Variants in CLN8 observed in about 807,000 individuals in gnomAD.
CLN8 encodes the protein protein CLN8.
A neutral mutation model predicts 15.7 loss-of-function variants in CLN8; 14 were observed. The ratio of observed to expected loss-of-function variants is 0.89; its 90% confidence interval spans 0.59 to 1.39. The LOEUF is 1.39. Ranked by LOEUF, CLN8 falls within the 40% of genes most tolerant of loss-of-function variation. The pLI is 0.00. For synonymous variants in CLN8, 188 were observed against 151.0 expected (o/e 1.25, Z -1.80); for missense variants, 415 against 364.0 (o/e 1.14, Z -1.14).
At chr8:1,780,119 G>T in intron 2 of CLN8, 131 bp from the exon 3 acceptor site, 1 of 1,537,910 alleles carries the variant, frequency 6.5e-7, no homozygotes, top group Non-Finnish European at 8.7e-7. Flanking sequence ...GAGCCCTGGG[G>T]AGGAAATTCT....
intron 1 of CLN8, chr8:1,758,589 T>C (rs1223354838): frequency 2.0e-5 from 3 of 152,212 alleles, no homozygotes; most frequent in African/African-American, 7.2e-5. Flanking sequence ...AATTCGGCTT[T>C]GTCATTTAGC....
intron 2 of CLN8, among the ~76,000 whole-genome samples, chr8:1,772,020 C>G (rs960384279): frequency 1.3e-5 from 2 of 152,154 alleles, no homozygotes; most frequent in South Asian, 4.1e-4. Context: ...ACTGCAACCT[C>G]CGCCTCCTGG....
chr8:1,771,417 C>T lies in CLN8; in HGVS notation c.363C>T (p.Val121=). 6.2e-7 allele frequency: 1 copy of T among 1,614,186 alleles called. No homozygotes were observed. Among genetic ancestry groups the T allele is most frequent in the Non-Finnish European group, 8.5e-7 (1 of 1,180,036 alleles). ...TGFFCFENVA[V]HLSNLIFRTF... ...TCTTTTGCTTTGAAAATGTTGCAGT[C>T]CACCTGTCCAACTTGATCTTCCGGA... The change falls in exon 2 of 3, where the codon GTC becomes GTT. Residue 121 remains valine, a synonymous_variant. Transcript: ENST00000331222.
At position 1,783,913 on chromosome 8, in the gene CLN8, G is replaced by T. The variant is rs1484349370; in HGVS notation, c.*3346G>T. The T allele has an allele frequency of 6.6e-6, 1 of 152,208 alleles. No individual in the cohort carries two copies. Among genetic ancestry groups the T allele is most frequent in the Non-Finnish European group, 1.5e-5 (1 of 68,056 alleles). 9.4% of individuals were successfully genotyped at this position (152,208 alleles called of 1,614,324 possible). A position where few individuals can be genotyped will look rare whatever the true frequency, so the allele number is the denominator to read the frequency against. On this transcript the variant is annotated 3_prime_UTR_variant, in exon 3 of 3. Transcript: ENST00000331222. Reference sequence around the variant, plus strand: ...GCGCCAGAGCTGGGCTCTTCAACACGGCATTTAGCGCAGAAAGTCGTGGTT... The same window carrying T: ...GCGCCAGAGCTGGGCTCTTCAACACTGCATTTAGCGCAGAAAGTCGTGGTT...
upstream of CLN8, chr8:1,763,117 T>C (rs1176194726): frequency 1.3e-5 from 2 of 152,042 alleles, no homozygotes; most frequent in Non-Finnish European, 2.9e-5. Context: ...GGTCCGGGGC[T>C]TGGGCCCTGT....
At position 1,772,225 on chromosome 8, in the gene CLN8, C is replaced by T. The variant is rs535710519; in HGVS notation, c.543+628C>T. 5.9e-5 allele frequency among the ~76,000 whole-genome samples: 9 copies of T among 152,202 alleles called. No homozygotes were observed. In the South Asian group the frequency reaches 1.5e-3, roughly 25 times the overall value. ...TGCTGGAATTACAAATGTGAGCCAC[C>T]GTGCCTGGCCTCTTTTAATACTTTA... is the stretch of plus-strand genomic sequence containing the variant. On this transcript the variant is annotated intron_variant, in intron 2 of 2. Transcript: ENST00000331222.
At position 1,781,655 on chromosome 8, in the gene CLN8, C is replaced by T. The variant is rs886506671; in HGVS notation, c.*1088C>T. On this transcript the variant is annotated 3_prime_UTR_variant, in exon 3 of 3. Coordinates refer to ENST00000331222, the MANE Select transcript of CLN8 (RefSeq NM_018941.4). ...TAATCAGGTTGTCTGGGTTTCAGAG[C>T]TGTTTTTAATTGACTGAGTTACCTA... is the stretch of plus-strand genomic sequence containing the variant. The T allele has an allele frequency of 1.3e-5, 2 of 151,976 alleles. No homozygotes were observed. The highest frequency in any genetic ancestry group is 2.4e-5 in the African/African-American group (1 of 41,360). 9.4% of individuals were successfully genotyped at this position (151,976 alleles called of 1,614,324 possible).
At chr8:1,762,372 G>C (rs547414560), upstream of CLN8, 1 of 152,038 alleles carries the variant, frequency 6.6e-6, no homozygotes, top group South Asian at 2.1e-4. Context: ...CAAACTGCTG[G>C]GATTACAGGC....
At chr8:1,776,436 CT>C (rs1801519627) in intron 2 of CLN8, among the ~76,000 whole-genome samples, 1 of 151,120 alleles carries the variant, frequency 6.6e-6, no homozygotes, top group African/African-American at 2.4e-5. Flanking sequence ...GCATGTGGCC[CT>C]GCTCCAATAT....
At position 1,782,566 on chromosome 8, in the gene CLN8, C is replaced by T. The variant is rs1456253311; in HGVS notation, c.*1999C>T. The T allele has an allele frequency of 6.6e-6, 1 of 152,190 alleles. No individual in the cohort carries two copies. Among genetic ancestry groups the T allele is most frequent in the African/African-American group, 2.4e-5 (1 of 41,432 alleles). The allele number at this position is 152,190 out of a possible 1,614,324, so 9.4% of individuals were successfully genotyped here. A position where few individuals can be genotyped will look rare whatever the true frequency, so the allele number is the denominator to read the frequency against. ...ACACATCCAGCAAATGGTGTCCCTG[C>T]TGAAACTTTTAACTGGAAACCTCAC... On this transcript the variant is annotated 3_prime_UTR_variant, in exon 3 of 3. Transcript: ENST00000331222.
chr8:1,765,094 T>C (rs1800995263), intron 1 of CLN8: 1 of 152,222 alleles, frequency 6.6e-6, no homozygotes, highest in Non-Finnish European at 1.5e-5. Flanking sequence ...GCTGTGGTTG[T>C]TAAGGAAGTT....
In CLN8 at chr8:1,781,644, G is replaced by A. The variant is rs1180187130; in HGVS notation, c.*1077G>A. ...TAAGGATTTCATAATCAGGTTGTCT[G>A]GGTTTCAGAGCTGTTTTTAATTGAC... On this transcript the variant is annotated 3_prime_UTR_variant, in exon 3 of 3. Transcript: ENST00000331222. 6.6e-6 allele frequency: 1 copy of A among 152,080 alleles called. No individual in the cohort carries two copies. The highest frequency in any genetic ancestry group is 1.5e-5 in the Non-Finnish European group (1 of 68,036). The allele number at this position is 152,080 out of a possible 1,614,324, so 9.4% of individuals were successfully genotyped here. A position where few individuals can be genotyped will look rare whatever the true frequency, so the allele number is the denominator to read the frequency against.
rs373339115 is a variant in CLN8 at position 1,773,397 on chromosome 8, G to A, written c.543+1800G>A. ...CGTGGTTTGGGCGGTGGCAGGAGGA[G>A]GTTGGGGGCCGGTGTGATTTGGGTA... On this transcript the variant is annotated intron_variant, in intron 2 of 2. Coordinates refer to ENST00000331222, the MANE Select transcript of CLN8 (RefSeq NM_018941.4). Among the ~76,000 whole-genome samples, 3 of 152,174 alleles carry A rather than the reference G, an allele frequency of 2.0e-5. No individual in the cohort carries two copies. The South Asian group carries it at 6.2e-4, about 31-fold the overall frequency.
At chr8:1,762,151 G>C (rs1800813262), upstream of CLN8, 1 of 152,176 alleles carries the variant, frequency 6.6e-6, no homozygotes. Flanking sequence ...TTTTGCAATG[G>C]TGGTTTCACT....
chr8:1,753,651 C>T (rs960320555), upstream of CLN8, among the ~76,000 whole-genome samples: 2 of 150,318 alleles, frequency 1.3e-5, no homozygotes, highest in Non-Finnish European at 3.0e-5. Context: ...TTTTGGAGGC[C>T]GAGGCAGGCA....
upstream of CLN8, among the ~76,000 whole-genome samples, chr8:1,753,398 C>A (rs1460616989): frequency 6.6e-6 from 1 of 151,820 alleles, no homozygotes; most frequent in East Asian, 1.9e-4. Flanking sequence ...CGGTGAAAAC[C>A]CATCTCTACT....
At chr8:1,770,046 C>A (rs1371384246) in intron 1 of CLN8, among the ~76,000 whole-genome samples, 1 of 152,196 alleles carries the variant, frequency 6.6e-6, no homozygotes, top group African/African-American at 2.4e-5. Context: ...CACTTTGTTA[C>A]AGCACTGAAC....
intron 1 of CLN8, among the ~76,000 whole-genome samples, chr8:1,767,565 C>CTTTTTTTTTTTTTTTTTTT (rs1156569423): frequency 3.7e-5 from 3 of 81,310 alleles, no homozygotes; most frequent in African/African-American, 5.1e-5. Context: ...ATGTTTCTTT[C>CTTTTTTTTTTTTTTTTTTT]TTTTTTTTTT....
At position 1,783,383 on chromosome 8, in the gene CLN8, T is replaced by G. The variant is rs1421315193; in HGVS notation, c.*2816T>G. The stretch of plus-strand genomic sequence containing the variant: ...TAGGACGATTGGGCAATATCGGCCT[T>G]AACTCCACCTGATGGCAGGTGACCC... On this transcript the variant is annotated 3_prime_UTR_variant, in exon 3 of 3. Coordinates refer to ENST00000331222, the MANE Select transcript of CLN8 (RefSeq NM_018941.4). The G allele has an allele frequency of 6.6e-6, 1 of 152,254 alleles. No homozygotes were observed. The highest frequency in any genetic ancestry group is 6.5e-5 in the Admixed American group (1 of 15,284). The allele number at this position is 152,254 out of a possible 1,614,324, so 9.4% of individuals were successfully genotyped here.
Sources: gnomAD v4.1 joint callset for allele counts (sites outside exome capture counted in the v4.1 genomes callset) on GRCh38, gnomAD v4.1.1 for gene constraint, MANE v1.5 for transcripts, NCBI Gene and HGNC (gene_info 2026-07-23, HGNC 2026-07-21) for gene names.